The following IL1RAPL1 variants were observed in gnomAD, a reference collection of about 807,000 sequenced individuals.
IL1RAPL1 encodes the protein interleukin-1 receptor accessory protein-like 1.
IL1RAPL1 carries 3 observed loss-of-function variants against 48.4 expected under a neutral mutation model. The ratio of observed to expected loss-of-function variants is 0.06; its 90% CI spans 0.03 to 0.16. The LOEUF is 0.16. Among genes scored for constraint, IL1RAPL1 ranks in the 10% least tolerant of loss-of-function variants. The probability of loss-of-function intolerance (pLI) is 1.00; values close to 1 mark genes in which losing one functional copy is unlikely to be tolerated. For synonymous variants in IL1RAPL1, 185 were observed against 187.7 expected, an observed-to-expected ratio of 0.99 and a Z score of 0.12; for missense variants, 349 against 530.6, an observed-to-expected ratio of 0.66 and a Z score of 3.36.
intron 1 of IL1RAPL1, among the ~76,000 whole-genome samples, chrX:28,753,172 C>T (rs1936063588): frequency 8.9e-6 from 1 of 111,812 alleles, no homozygotes; most frequent in African/African-American, 3.3e-5. Context: ...ATATTTGCAA[C>T]AGAGGCCATA....
chrX:29,537,636 A>C (rs1186264193), intron 5 of IL1RAPL1, among the ~76,000 whole-genome samples: 5 of 110,479 alleles, frequency 4.5e-5, no homozygotes, highest in African/African-American at 1.6e-4. Flanking sequence ...TAAAAAAAAA[A>C]AAAACAACCT....
chrX:28,854,560 A>G (rs1052765728), intron 2 of IL1RAPL1, among the ~76,000 whole-genome samples: 2 of 111,557 alleles, frequency 1.8e-5, no homozygotes, highest in Admixed American at 9.6e-5. Flanking sequence ...GAATGTGGCT[A>G]GAAAGATATA....
chrX:29,700,861 T>C (rs1015081015), intron 6 of IL1RAPL1, among the ~76,000 whole-genome samples: 8 of 112,164 alleles, frequency 7.1e-5, no homozygotes, highest in African/African-American at 2.6e-4. Context: ...GGAGACATTA[T>C]ACTTTATTTT....
intron 5 of IL1RAPL1, among the ~76,000 whole-genome samples, chrX:29,500,977 T>A (rs1365780865): frequency 1.8e-5 from 2 of 111,896 alleles, no homozygotes; most frequent in Non-Finnish European, 3.8e-5. Context: ...CCTGTCATTT[T>A]TTAAAGACCA....
At chrX:29,554,909 A>G (rs1449090518) in intron 5 of IL1RAPL1, among the ~76,000 whole-genome samples, 1 of 112,186 alleles carries the variant, frequency 8.9e-6, no homozygotes, top group African/African-American at 3.2e-5. Context: ...CTGTCCATTG[A>G]TTTTCACAGT....
At chrX:29,427,507 C>T (rs188981137) in intron 5 of IL1RAPL1, among the ~76,000 whole-genome samples, 3 of 111,345 alleles carry the variant, frequency 2.7e-5, no homozygotes, top group African/African-American at 9.8e-5. Flanking sequence ...GGACAGGGAG[C>T]TAGGGAGTAG....
In IL1RAPL1 at chrX:29,396,296, C is replaced by T; in HGVS notation, c.401C>T (p.Thr134Ile). ...TYCMKVSISL[T>I]VGENDTGLCY... is the part of the protein sequence containing the mutation. ...TGTATGAAAGTATCCATCTCACTGA[C>T]AGTGGGTGAAAATGACACTGGACTC... The change falls in exon 4 of 11, where the codon ACA (threonine) becomes ATA (isoleucine). Residue 134 changes from threonine (T) to isoleucine (I), a missense_variant. Coordinates refer to ENST00000378993, the MANE Select transcript of IL1RAPL1 (RefSeq NM_014271.4). The T allele has an allele frequency of 8.3e-7, 1 of 1,207,882 alleles. No homozygotes were observed. The highest frequency in any genetic ancestry group is 1.8e-5 in the South Asian group (1 of 56,934).
chrX:29,734,556 G>T (rs1928000612), intron 6 of IL1RAPL1, among the ~76,000 whole-genome samples: 1 of 112,207 alleles, frequency 8.9e-6, no homozygotes, highest in East Asian at 2.8e-4. Context: ...ACATCTGCAA[G>T]AGATAATGTC....
intron 6 of IL1RAPL1, among the ~76,000 whole-genome samples, chrX:29,764,915 G>A (rs1928844747): frequency 1.8e-5 from 2 of 112,007 alleles, no homozygotes; most frequent in African/African-American, 3.2e-5. Context: ...GCGTACTGGA[G>A]AATGAGATAC....
chrX:28,754,996 G>T (rs1441215819), intron 1 of IL1RAPL1, among the ~76,000 whole-genome samples: 2 of 108,436 alleles, frequency 1.8e-5, no homozygotes, highest in Non-Finnish European at 3.8e-5. Flanking sequence ...ACATTTTTTT[G>T]TTTTGTTTTT....
At chrX:29,193,870 A>G (rs1930396591) in intron 2 of IL1RAPL1, among the ~76,000 whole-genome samples, 1 of 112,101 alleles carries the variant, frequency 8.9e-6, no homozygotes, top group Non-Finnish European at 1.9e-5. Flanking sequence ...CATGTTACTT[A>G]TGGAGTAAAC....
chrX:29,908,694 G>T (rs1166258233), intron 6 of IL1RAPL1, among the ~76,000 whole-genome samples: 6 of 111,602 alleles, frequency 5.4e-5, no homozygotes, highest in Admixed American at 2.9e-4. Context: ...TATATCAAAA[G>T]GACAAATTTT....
At chrX:29,331,040 G>A (rs924149396) in intron 3 of IL1RAPL1, among the ~76,000 whole-genome samples, 5 of 110,748 alleles carry the variant, frequency 4.5e-5, no homozygotes, top group Non-Finnish European at 7.6e-5. Flanking sequence ...GGTGGCACAC[G>A]CTTGTAATCC....
At chrX:29,205,656 C>A (rs1930648638) in intron 2 of IL1RAPL1, among the ~76,000 whole-genome samples, 1 of 111,595 alleles carries the variant, frequency 9.0e-6, no homozygotes, top group South Asian at 3.7e-4. Flanking sequence ...TTAAATGATC[C>A]AAGTGCTTTG....
At chrX:28,790,663 T>C (rs965294505) in intron 2 of IL1RAPL1, among the ~76,000 whole-genome samples, 2 of 112,555 alleles carry the variant, frequency 1.8e-5, no homozygotes, top group African/African-American at 6.4e-5. Flanking sequence ...GTGAAAAAAA[T>C]ACTGTTGTTA....
At chrX:28,767,563 A>T (rs1375864589) in intron 1 of IL1RAPL1, among the ~76,000 whole-genome samples, 1 of 111,629 alleles carries the variant, frequency 9.0e-6, no homozygotes, top group Non-Finnish European at 1.9e-5. Flanking sequence ...CAGCTATGGA[A>T]TAATGGAAGG....
At chrX:28,900,385 A>T (rs1220340680) in intron 2 of IL1RAPL1, among the ~76,000 whole-genome samples, 1 of 111,907 alleles carries the variant, frequency 8.9e-6, no homozygotes, top group Non-Finnish European at 1.9e-5. Context: ...GAAAGAGAAC[A>T]TAGTTTTTCT....
At chrX:29,241,912 G>A (rs1415108271) in intron 2 of IL1RAPL1, among the ~76,000 whole-genome samples, 6 of 111,788 alleles carry the variant, frequency 5.4e-5, no homozygotes, top group Non-Finnish European at 1.1e-4. Flanking sequence ...ACAAGGTGCA[G>A]TAAAAGTCAG....
intron 2 of IL1RAPL1, among the ~76,000 whole-genome samples, chrX:29,054,463 A>G (rs1400831217): frequency 9.0e-6 from 1 of 111,505 alleles, no homozygotes; most frequent in Non-Finnish European, 1.9e-5. Context: ...CTGTTAAAAG[A>G]TAAAGCTGAG....
Sources: gnomAD v4.1 joint callset for allele counts (sites outside exome capture counted in the v4.1 genomes callset) on GRCh38, gnomAD v4.1.1 for gene constraint, MANE v1.5 for transcripts, NCBI Gene and HGNC (gene_info 2026-07-23, HGNC 2026-07-21) for gene names.